ARHGAP26: variants seen among roughly 807,000 people sequenced by gnomAD.
ARHGAP26 encodes the protein rho GTPase-activating protein 26.
Under a neutral mutation model 104.8 loss-of-function variants are expected in ARHGAP26, and 38 were observed. The ratio of observed to expected loss-of-function variants is 0.36; its 90% CI spans 0.28 to 0.48. ARHGAP26 has a LOEUF of 0.48. Among genes scored for constraint, ARHGAP26 ranks in the 20% least tolerant of loss-of-function variants. The probability of loss-of-function intolerance (pLI) is 0.99; values close to 1 mark genes in which losing one functional copy is unlikely to be tolerated. For synonymous variants in ARHGAP26, 341 were observed against 340.0 expected (o/e 1.00, Z -0.03); for missense variants, 704 against 947.9 (o/e 0.74, Z 3.38).
chr5:142,953,913 G>C (rs1768793246), intron 11 of ARHGAP26, among the ~76,000 whole-genome samples: 1 of 152,136 alleles, frequency 6.6e-6, no homozygotes, highest in East Asian at 1.9e-4. Flanking sequence ...TCCATTTGGG[G>C]TGGGGTGCTA....
chr5:142,883,216 C>T (rs1287879760), intron 4 of ARHGAP26, among the ~76,000 whole-genome samples: 4 of 152,160 alleles, frequency 2.6e-5, no homozygotes, highest in Non-Finnish European at 4.4e-5. Context: ...GTTCCCTGGC[C>T]TTTTCTCACC....
At chr5:142,995,038 G>A (rs1176168774) in intron 11 of ARHGAP26, among the ~76,000 whole-genome samples, 5 of 152,150 alleles carry the variant, frequency 3.3e-5, no homozygotes, top group African/African-American at 4.8e-5. Flanking sequence ...AGACTTAAAC[G>A]TAAGACCTAA....
chr5:142,777,284 C>G (rs753464508), intron 1 of ARHGAP26, among the ~76,000 whole-genome samples: 3 of 152,178 alleles, frequency 2.0e-5, no homozygotes, highest in Non-Finnish European at 4.4e-5. Flanking sequence ...GATTTCTGCT[C>G]TTGTTAGGCC....
At chr5:143,053,659 G>A (rs1785353320) in intron 14 of ARHGAP26, among the ~76,000 whole-genome samples, 1 of 152,188 alleles carries the variant, frequency 6.6e-6, no homozygotes, top group Non-Finnish European at 1.5e-5. Flanking sequence ...TGCAAGAAGA[G>A]ACAAAAGAAA....
At chr5:142,856,205 G>GC (rs894833779) in intron 1 of ARHGAP26, among the ~76,000 whole-genome samples, 4 of 152,224 alleles carry the variant, frequency 2.6e-5, no homozygotes, top group African/African-American at 9.7e-5. Flanking sequence ...AAACCCAGGA[G>GC]CTGTGGGCAC....
rs531906156 is a variant in ARHGAP26, at chr5:143,210,251, G to A, written c.2099+2943G>A. The stretch of plus-strand genomic sequence containing the variant: ...GGAAGTCACGTCTTTCATGGATGGC[G>A]GCAGGCAAAAAGAGAGTTTGTGCAG... On this transcript the variant is annotated intron_variant, in intron 21 of 22. Coordinates refer to ENST00000645722, the MANE Select transcript of ARHGAP26 (RefSeq NM_001135608.3). 4.6e-5 allele frequency among the ~76,000 whole-genome samples: 7 copies of A among 152,194 alleles called. No individual in the cohort carries two copies. The South Asian group carries it at 8.3e-4, about 18-fold the overall frequency.
chr5:142,822,550 CAT>C (rs1365566429), intron 1 of ARHGAP26, among the ~76,000 whole-genome samples: 2 of 152,018 alleles, frequency 1.3e-5, no homozygotes, highest in African/African-American at 4.8e-5. Flanking sequence ...AATACACACA[CAT>C]GGTGTTTGTG....
At chr5:143,053,409 G>A (rs1036588650) in intron 14 of ARHGAP26, among the ~76,000 whole-genome samples, 5 of 152,098 alleles carry the variant, frequency 3.3e-5, no homozygotes, top group Admixed American at 6.5e-5. Context: ...CCAGTATGAG[G>A]GAGCTGGATT....
At chr5:142,961,939 A>G (rs1195761573) in intron 11 of ARHGAP26, among the ~76,000 whole-genome samples, 1 of 152,180 alleles carries the variant, frequency 6.6e-6, no homozygotes, top group Non-Finnish European at 1.5e-5. Flanking sequence ...CGACAGATCC[A>G]TTTCCTGGTA....
intron 17 of ARHGAP26, among the ~76,000 whole-genome samples, chr5:143,067,380 G>A (rs957910147): frequency 2.0e-5 from 3 of 152,076 alleles, no homozygotes; most frequent in Admixed American, 2.0e-4. Flanking sequence ...CCTTTCCCGA[G>A]TTACTGAAAT....
intron 20 of ARHGAP26, among the ~76,000 whole-genome samples, chr5:143,175,681 T>G (rs1024365029): frequency 1.3e-5 from 2 of 152,202 alleles, no homozygotes; most frequent in African/African-American, 4.8e-5. Context: ...AATTATTGTT[T>G]GTTTAGTATT....
At chr5:143,112,270 T>C (rs1483535687) in intron 17 of ARHGAP26, among the ~76,000 whole-genome samples, 3 of 151,872 alleles carry the variant, frequency 2.0e-5, no homozygotes, top group Admixed American at 2.0e-4. Flanking sequence ...CAGAGCCAAG[T>C]CAAGAGGGAG....
rs1436117445 is a variant in ARHGAP26, at chr5:142,770,723, C to T, written c.-39C>T. ...TCTGGGCGGCGGGCGGCCCGGGCCCCGGCGGAGGCGCGCCCCCCGGCTGGG... is the reference window on the plus strand; with the variant it reads ...TCTGGGCGGCGGGCGGCCCGGGCCCTGGCGGAGGCGCGCCCCCCGGCTGGG... On this transcript the variant is annotated 5_prime_UTR_variant, in exon 1 of 23. Transcript: ENST00000645722. 1.0e-5 allele frequency: 12 copies of T among 1,182,518 alleles called. No individual in the cohort carries two copies. The highest frequency in any genetic ancestry group is 1.3e-5 in the Non-Finnish European group (12 of 948,802). The allele number at this position is 1,182,518 out of a possible 1,614,324, so 73.3% of individuals were successfully genotyped here. A position where few individuals can be genotyped will look rare whatever the true frequency, so the allele number is the denominator to read the frequency against.
chr5:143,106,086 G>T (rs1793974449), intron 17 of ARHGAP26, among the ~76,000 whole-genome samples: 1 of 151,986 alleles, frequency 6.6e-6, no homozygotes, highest in Admixed American at 6.6e-5. Flanking sequence ...TTCTTTTGTT[G>T]TTTGTCTTGT....
rs568530347 is a variant in ARHGAP26, at chr5:143,045,390, T to A, written c.1285+3500T>A. On this transcript the variant is annotated intron_variant, in intron 14 of 22. Transcript: ENST00000645722. ...TGATTCTCCCTACGAGTTAAATAAG[T>A]TTGAATCTCTCAATTACGGAATCAC... 2.6e-5 allele frequency among the ~76,000 whole-genome samples: 4 copies of A among 151,474 alleles called. No homozygotes were observed. The East Asian group carries it at 7.8e-4, about 29-fold the overall frequency.
Position 142,770,741 on chromosome 5 carries a change from C to G in ARHGAP26, c.-21C>G. 4 of 1,320,824 alleles carry G rather than the reference C, an allele frequency of 3.0e-6. No individual in the cohort carries two copies. The highest frequency in any genetic ancestry group is 3.9e-6 in the Non-Finnish European group (4 of 1,022,170). 81.8% of individuals were successfully genotyped at this position (1,320,824 alleles called of 1,614,324 possible). A position where few individuals can be genotyped will look rare whatever the true frequency, so the allele number is the denominator to read the frequency against. ...CGGGCCCCGGCGGAGGCGCGCCCCC[C>G]GGCTGGGCGCCGCGCGCACCATGGG... is the stretch of plus-strand genomic sequence containing the variant. On this transcript the variant is annotated 5_prime_UTR_variant, in exon 1 of 23. Transcript: ENST00000645722.
intron 1 of ARHGAP26, chr5:142,772,847 G>A (rs1047617390): frequency 1.9e-6 from 1 of 533,406 alleles, no homozygotes; most frequent in Non-Finnish European, 3.8e-6. Context: ...TGAATCTGAG[G>A]AGGGTGCGTT....
intron 5 of ARHGAP26, among the ~76,000 whole-genome samples, chr5:142,889,925 T>C (rs916894769): frequency 6.7e-6 from 1 of 149,610 alleles, no homozygotes; most frequent in Admixed American, 6.7e-5. Context: ...ACCTGAGGTC[T>C]GGAGTTCGAG....
Position 143,062,312 on chromosome 5 carries a change from A to G in ARHGAP26, c.1538+4565A>G, listed in dbSNP as rs539326363. On this transcript the variant is annotated intron_variant, in intron 17 of 22. Coordinates refer to ENST00000645722, the MANE Select transcript of ARHGAP26 (RefSeq NM_001135608.3). ...CTCCATTGCCTCTTGCTGATTCCCT[A>G]TGTGTTCTTTTCATTACCCAATTGT... is the stretch of plus-strand genomic sequence containing the variant. 1.2e-3 allele frequency among the ~76,000 whole-genome samples: 190 copies of G among 152,276 alleles called. 1 individual carries two copies. The highest frequency in any genetic ancestry group is 4.5e-3 in the African/African-American group (188 of 41,552).
Sources: gnomAD v4.1 joint callset for allele counts (sites outside exome capture counted in the v4.1 genomes callset) on GRCh38, gnomAD v4.1.1 for gene constraint, MANE v1.5 for transcripts, NCBI Gene and HGNC (gene_info 2026-07-23, HGNC 2026-07-21) for gene names.